Variants in KRAS observed in about 807,000 individuals in gnomAD.
KRAS encodes the protein KRas proto-oncogene, GTPase.
Under a neutral mutation model 21.0 loss-of-function variants are expected in KRAS, and 1 was observed. The ratio of observed to expected loss-of-function variants is 0.05; its 90% CI spans 0.02 to 0.23. KRAS has a LOEUF of 0.23. KRAS is among the 10% of genes least tolerant of loss of function. The pLI, the probability that KRAS is intolerant of heterozygous loss-of-function variation, is 1.00. For missense variants in KRAS, 107 were observed against 221.8 expected (o/e 0.48, Z 3.29); for synonymous variants, 67 against 72.5 (o/e 0.92, Z 0.39).
intron 4 of KRAS, among the ~76,000 whole-genome samples, chr12:25,224,068 G>A (rs1423116114): frequency 1.3e-5 from 2 of 150,378 alleles, no homozygotes; most frequent in Non-Finnish European, 2.9e-5. Context: ...ACTGTAGTAC[G>A]ACACATTGCT....
intron 2 of KRAS, among the ~76,000 whole-genome samples, chr12:25,244,688 T>A (rs1055390007): frequency 1.3e-5 from 2 of 152,170 alleles, no homozygotes; most frequent in Non-Finnish European, 2.9e-5. Context: ...AATTTTTTTT[T>A]AAATCCTAGT....
In KRAS at chr12:25,225,787, A is replaced by G; in HGVS notation, c.291-14T>C. The G allele has an allele frequency of 6.2e-7, 1 of 1,609,966 alleles. No individual in the cohort carries two copies. Among genetic ancestry groups the G allele is most frequent in the Non-Finnish European group, 8.5e-7 (1 of 1,177,716 alleles). On this transcript the variant is annotated splice_polypyrimidine_tract_variant and intron_variant, in intron 3 of 4. Coordinates refer to ENST00000311936, the MANE Select transcript of KRAS (RefSeq NM_004985.5). ...TTAATTTGTTCTCTGGGAAAGAAAA[A>G]AAAGTTATAGCACAGTCATTAGTAA... is the stretch of plus-strand genomic sequence containing the variant.
At chr12:25,213,728 A>G (rs1951223573) in intron 4 of KRAS, among the ~76,000 whole-genome samples, 1 of 152,234 alleles carries the variant, frequency 6.6e-6, no homozygotes, top group Admixed American at 6.5e-5. Context: ...GTAGTTTTTG[A>G]AAACTGTAAT....
At chr12:25,242,549 A>G (rs76352376) in intron 2 of KRAS, among the ~76,000 whole-genome samples, 1 of 152,290 alleles carries the variant, frequency 6.6e-6, no homozygotes, top group East Asian at 1.9e-4. Context: ...TTCATAAAAG[A>G]TAACAATATA....
intron 2 of KRAS, among the ~76,000 whole-genome samples, chr12:25,238,234 A>C (rs896684679): frequency 6.6e-6 from 1 of 152,238 alleles, no homozygotes; most frequent in Admixed American, 6.5e-5. Flanking sequence ...GAATGAACTC[A>C]AGGAAAATTT....
chr12:25,216,147 C>T (rs1341043804), intron 4 of KRAS, among the ~76,000 whole-genome samples: 5 of 152,148 alleles, frequency 3.3e-5, no homozygotes, highest in African/African-American at 1.2e-4. Context: ...GAAGCTGAGA[C>T]TGGGTCTTCT....
intron 2 of KRAS, among the ~76,000 whole-genome samples, chr12:25,231,369 C>T (rs1329118277): frequency 6.6e-6 from 1 of 152,068 alleles, no homozygotes; most frequent in Non-Finnish European, 1.5e-5. Context: ...AGGCGTCAAC[C>T]ATCGCGCCCA....
chr12:25,207,091 T>C lies in KRAS; in HGVS notation c.*2704A>G. 4.7e-6 allele frequency: 1 copy of C among 212,976 alleles called. No individual in the cohort carries two copies. The highest frequency in any genetic ancestry group is 9.5e-6 in the Non-Finnish European group (1 of 105,278). 13.2% of individuals were successfully genotyped at this position (212,976 alleles called of 1,614,324 possible). On this transcript the variant is annotated 3_prime_UTR_variant, in exon 5 of 5. Coordinates refer to ENST00000311936, the MANE Select transcript of KRAS (RefSeq NM_004985.5). ...CAAAACTAAAATACGCATCGTGTTA[T>C]CTCTGGGTCGTATACCAAAGGCCTT...
At chr12:25,246,479 A>G (rs982829877) in intron 1 of KRAS, among the ~76,000 whole-genome samples, 2 of 151,810 alleles carry the variant, frequency 1.3e-5, no homozygotes, top group Admixed American at 1.3e-4. Flanking sequence ...AATCACTTGA[A>G]CCCGGGAGGC....
At chr12:25,225,390 C>T in intron 4 of KRAS, 1 of 370,162 alleles carries the variant, frequency 2.7e-6, no homozygotes, top group Non-Finnish European at 5.0e-6. Context: ...TTAACATGTG[C>T]TCAGAATTGA....
At chr12:25,235,400 T>C (rs1478429194) in intron 2 of KRAS, among the ~76,000 whole-genome samples, 1 of 152,158 alleles carries the variant, frequency 6.6e-6, no homozygotes. Context: ...ACAGGGAATT[T>C]AGGGTATGTA....
chr12:25,240,270 A>G (rs1951594452), intron 2 of KRAS, among the ~76,000 whole-genome samples: 1 of 152,194 alleles, frequency 6.6e-6, no homozygotes, highest in Non-Finnish European at 1.5e-5. Context: ...TTAAGTATAA[A>G]GCCTCTAAAT....
chr12:25,217,062 C>G (rs1332375610), intron 4 of KRAS, among the ~76,000 whole-genome samples: 2 of 152,108 alleles, frequency 1.3e-5, no homozygotes, highest in Non-Finnish European at 2.9e-5. Flanking sequence ...AGATTGGTAA[C>G]ATCAATGTTT....
intron 2 of KRAS, among the ~76,000 whole-genome samples, chr12:25,235,642 T>C (rs1161213417): frequency 6.6e-6 from 1 of 152,112 alleles, no homozygotes; most frequent in Non-Finnish European, 1.5e-5. Context: ...AGAGATCAAC[T>C]TTGTATGCAT....
chr12:25,205,449 A>C lies in KRAS; in HGVS notation c.*4346T>G, dbSNP rs1201774404. On this transcript the variant is annotated 3_prime_UTR_variant, in exon 5 of 5. Coordinates refer to ENST00000311936, the MANE Select transcript of KRAS (RefSeq NM_004985.5). The stretch of plus-strand genomic sequence containing the variant: ...CAACCAAATGATGGAAAACAACTGG[A>C]TCACACTGCATATGTCCCACAAAAG... 4 of 215,088 alleles carry C rather than the reference A, an allele frequency of 1.9e-5. No homozygotes were observed. Among genetic ancestry groups the C allele is most frequent in the Middle Eastern group, 1.4e-3 (1 of 700 alleles). The allele number at this position is 215,088 out of a possible 1,614,324, so 13.3% of individuals were successfully genotyped here.
chr12:25,230,131 G>A (rs1226685976), intron 2 of KRAS, among the ~76,000 whole-genome samples: 1 of 152,140 alleles, frequency 6.6e-6, no homozygotes, highest in Admixed American at 6.5e-5. Flanking sequence ...GGGAGAAAGA[G>A]AGAAAGAATG....
At position 25,208,616 on chromosome 12, in the gene KRAS, A is replaced by G; in HGVS notation, c.*1179T>C. 4.3e-6 allele frequency: 1 copy of G among 233,224 alleles called. No homozygotes were observed. Among genetic ancestry groups the G allele is most frequent in the Non-Finnish European group, 8.5e-6 (1 of 117,782 alleles). The allele number at this position is 233,224 out of a possible 1,614,324, so 14.4% of individuals were successfully genotyped here. A position where few individuals can be genotyped will look rare whatever the true frequency, so the allele number is the denominator to read the frequency against. On this transcript the variant is annotated 3_prime_UTR_variant, in exon 5 of 5. Coordinates refer to ENST00000311936, the MANE Select transcript of KRAS (RefSeq NM_004985.5). ...TTTGTTTTCTTAAGAAACAAAAGCA[A>G]TGCTCTTGATTTGTCAGCAGGACCA...
chr12:25,214,730 T>C (rs1951235192), intron 4 of KRAS, among the ~76,000 whole-genome samples: 2 of 152,144 alleles, frequency 1.3e-5, no homozygotes, highest in South Asian at 4.1e-4. Flanking sequence ...GGTTTCACAA[T>C]GAATGATGGC....
chr12:25,250,198 T>C (rs1451297397), intron 1 of KRAS, among the ~76,000 whole-genome samples: 2 of 152,124 alleles, frequency 1.3e-5, no homozygotes, highest in African/African-American at 4.8e-5. Context: ...ACACATCCCC[T>C]ACACACGGAA....
Sources: allele counts gnomAD v4.1 joint callset (sites outside exome capture counted in the v4.1 genomes callset), GRCh38; gene constraint gnomAD v4.1.1; transcripts MANE v1.5; gene names NCBI Gene and HGNC (gene_info 2026-07-23, HGNC 2026-07-21).